Variants in EXT1 observed in about 807,000 individuals in gnomAD.
The protein encoded by EXT1 is exostosin-1.
Under a neutral mutation model 82.5 loss-of-function variants are expected in EXT1, and 20 were observed. The observed-to-expected ratio is 0.24, with a 90% CI of 0.17 to 0.35. EXT1 has a LOEUF of 0.35. EXT1 is among the 10% of genes least tolerant of loss of function. EXT1 has a pLI of 1.00. For missense variants in EXT1, 757 were observed against 936.5 expected (o/e 0.81, Z 2.50); for synonymous variants, 348 against 350.8 (o/e 0.99, Z 0.09).
At chr8:118,033,743 G>A (rs534520346) in intron 1 of EXT1, among the ~76,000 whole-genome samples, 9 of 152,140 alleles carry the variant, frequency 5.9e-5, no homozygotes, top group Non-Finnish European at 1.2e-4. Context: ...GCCTCTGAAA[G>A]TGCTGGGATT....
At chr8:118,056,159 T>C (rs1054074487) in intron 1 of EXT1, among the ~76,000 whole-genome samples, 29 of 152,254 alleles carry the variant, frequency 1.9e-4, no homozygotes, top group Admixed American at 1.8e-3. Context: ...CATTCTGTGC[T>C]GCAGGTGGCC....
chr8:118,054,132 T>G (rs1816758856), intron 1 of EXT1, among the ~76,000 whole-genome samples: 1 of 152,114 alleles, frequency 6.6e-6, no homozygotes, highest in Admixed American at 6.5e-5. Flanking sequence ...TGCTGAACAG[T>G]CAGATAAGTA....
At chr8:117,936,313 T>C (rs751025462) in intron 1 of EXT1, among the ~76,000 whole-genome samples, 1 of 152,224 alleles carries the variant, frequency 6.6e-6, no homozygotes, top group Non-Finnish European at 1.5e-5. Context: ...ACTAGTCCAC[T>C]GGAGATTTCT....
chr8:117,921,981 T>C (rs1320608497), intron 1 of EXT1, among the ~76,000 whole-genome samples: 1 of 152,166 alleles, frequency 6.6e-6, no homozygotes, highest in African/African-American at 2.4e-5. Context: ...TTTTCTTTTT[T>C]TTTTTTTAAC....
intron 1 of EXT1, among the ~76,000 whole-genome samples, chr8:118,093,524 G>A (rs1817559595): frequency 6.6e-6 from 1 of 152,060 alleles, no homozygotes; most frequent in African/African-American, 2.4e-5. Flanking sequence ...ATTTAATCCT[G>A]TTCTAACATG....
At chr8:117,999,047 G>A (rs544767432) in intron 1 of EXT1, among the ~76,000 whole-genome samples, 55 of 152,258 alleles carry the variant, frequency 3.6e-4, no homozygotes, top group African/African-American at 1.2e-3. Flanking sequence ...CAGAAATTCC[G>A]GAATGAGAGG....
chr8:117,827,049 G>C (rs1812018110), intron 4 of EXT1, among the ~76,000 whole-genome samples: 2 of 152,174 alleles, frequency 1.3e-5, no homozygotes, highest in African/African-American at 4.8e-5. Context: ...AATCAGCAAA[G>C]TGATAGATGT....
chr8:117,846,373 G>A (rs933655186), intron 1 of EXT1, among the ~76,000 whole-genome samples: 2 of 152,132 alleles, frequency 1.3e-5, no homozygotes, highest in Non-Finnish European at 2.9e-5. Context: ...CTCCCAAAGT[G>A]TTGGGATTAT....
intron 1 of EXT1, among the ~76,000 whole-genome samples, chr8:118,088,979 C>A (rs1293866536): frequency 1.5e-4 from 23 of 152,194 alleles, no homozygotes; most frequent in Admixed American, 1.5e-3. Context: ...TTCTGAATCT[C>A]AGAGTAGTCT....
chr8:117,901,931 C>T (rs1401830777), intron 1 of EXT1, among the ~76,000 whole-genome samples: 1 of 152,134 alleles, frequency 6.6e-6, no homozygotes, highest in Non-Finnish European at 1.5e-5. Flanking sequence ...CTCCTGGGCT[C>T]AAGCAATCCA....
At chr8:117,980,248 T>C (rs1000548444) in intron 1 of EXT1, among the ~76,000 whole-genome samples, 6 of 152,178 alleles carry the variant, frequency 3.9e-5, no homozygotes, top group Admixed American at 1.3e-4. Flanking sequence ...AGGAAAGAAA[T>C]GACCTGAGAG....
chr8:117,934,328 G>C (rs926943991), intron 1 of EXT1, among the ~76,000 whole-genome samples: 2 of 152,222 alleles, frequency 1.3e-5, no homozygotes, highest in African/African-American at 2.4e-5. Context: ...CAGAGGGATA[G>C]AATGGCCCAT....
chr8:117,902,752 A>G (rs889712455), intron 1 of EXT1, among the ~76,000 whole-genome samples: 12 of 152,134 alleles, frequency 7.9e-5, no homozygotes, highest in African/African-American at 2.9e-4. Context: ...TCTTCCATTC[A>G]TTTTTTTCAC....
chr8:118,082,680 A>T (rs7835763), intron 1 of EXT1, among the ~76,000 whole-genome samples: 31,009 of 152,122 alleles, frequency 0.2, 3,321 homozygotes, highest in Admixed American at 0.26. Context: ...TGAGTTCCAA[A>T]CTTACAGGTA....
chr8:118,003,091 T>C (rs1815705883), intron 1 of EXT1, among the ~76,000 whole-genome samples: 1 of 152,000 alleles, frequency 6.6e-6, no homozygotes, highest in Non-Finnish European at 1.5e-5. Context: ...AATGAAATAA[T>C]GGCATTCAAG....
chr8:117,802,144 A>C (rs944905530), intron 10 of EXT1, among the ~76,000 whole-genome samples: 1 of 152,192 alleles, frequency 6.6e-6, no homozygotes, highest in Admixed American at 6.5e-5. Context: ...GAATACACCT[A>C]GTTAGACCTA....
At chr8:117,865,185 T>A (rs1177835844) in intron 1 of EXT1, among the ~76,000 whole-genome samples, 1 of 152,162 alleles carries the variant, frequency 6.6e-6, no homozygotes, top group Non-Finnish European at 1.5e-5. Context: ...TTTACTTTTT[T>A]GAGACAGGGT....
intron 1 of EXT1, among the ~76,000 whole-genome samples, chr8:117,893,517 G>A (rs1813283789): frequency 6.6e-6 from 1 of 152,156 alleles, no homozygotes; most frequent in Non-Finnish European, 1.5e-5. Flanking sequence ...AATGGAATTT[G>A]GGCAGTGAGG....
chr8:118,040,802 G>T (rs745577825), intron 1 of EXT1, among the ~76,000 whole-genome samples: 34 of 152,204 alleles, frequency 2.2e-4, no homozygotes, highest in Non-Finnish European at 3.5e-4. Flanking sequence ...GAGATGAACT[G>T]CCCTTGTTTA....
Sources: allele counts gnomAD v4.1 joint callset (sites outside exome capture counted in the v4.1 genomes callset), GRCh38; gene constraint gnomAD v4.1.1; transcripts MANE v1.5; gene names NCBI Gene and HGNC (gene_info 2026-07-23, HGNC 2026-07-21).